Variants in LNP1 observed in about 807,000 individuals in gnomAD.
LNP1 encodes the protein leukemia NUP98 fusion partner 1.
A neutral mutation model predicts 14.5 loss-of-function variants in LNP1; 12 were observed. The ratio of observed to expected loss-of-function variants is 0.83; its 90% confidence interval spans 0.53 to 1.34. The LOEUF is 1.34. LNP1 is among the 40% of genes most tolerant of loss of function. LNP1 has a pLI of 0.00. For missense variants in LNP1, 198 were observed against 210.9 expected, an observed-to-expected ratio of 0.94 and a Z score of 0.38; for synonymous variants, 75 against 71.4, an observed-to-expected ratio of 1.05 and a Z score of -0.26.
At chr3:100,439,758 G>C (rs191992700) in intron 2 of LNP1, among the ~76,000 whole-genome samples, 109 of 152,158 alleles carry the variant, frequency 7.2e-4, no homozygotes, top group African/African-American at 2.5e-3. Context: ...ATCTCTAATA[G>C]CCTGTTTTGC....
intron 2 of LNP1, among the ~76,000 whole-genome samples, chr3:100,443,020 C>T (rs1031169010): frequency 2.0e-5 from 3 of 152,160 alleles, no homozygotes; most frequent in Non-Finnish European, 4.4e-5. Flanking sequence ...TCACATTACT[C>T]TGAAGTCCAT....
At chr3:100,427,580 T>A (rs560969626) in intron 1 of LNP1, among the ~76,000 whole-genome samples, 78 of 152,274 alleles carry the variant, frequency 5.1e-4, no homozygotes, top group African/African-American at 1.8e-3. Flanking sequence ...CATAGTTCAG[T>A]GGTTTGGGTT....
intron 1 of LNP1, among the ~76,000 whole-genome samples, chr3:100,405,410 C>G (rs563849694): frequency 2.0e-5 from 3 of 152,292 alleles, no homozygotes; most frequent in African/African-American, 7.2e-5. Context: ...TTAGTACAGG[C>G]TGCTATAACA....
At chr3:100,445,428 C>A (rs1010803956) in intron 2 of LNP1, among the ~76,000 whole-genome samples, 2 of 152,114 alleles carry the variant, frequency 1.3e-5, no homozygotes, top group African/African-American at 4.8e-5. Context: ...TTTTGATTGG[C>A]ATTTTCTACA....
At chr3:100,425,589 T>C (rs533869619) in intron 1 of LNP1, among the ~76,000 whole-genome samples, 75 of 152,320 alleles carry the variant, frequency 4.9e-4, no homozygotes, top group African/African-American at 1.7e-3. Context: ...TATTATGCAA[T>C]AGTGTGATTC....
At chr3:100,436,786 G>A (rs1294936778) in intron 2 of LNP1, among the ~76,000 whole-genome samples, 1 of 152,130 alleles carries the variant, frequency 6.6e-6, no homozygotes, top group Non-Finnish European at 1.5e-5. Flanking sequence ...GATGGTATTT[G>A]GAAATGGAGC....
intron 3 of LNP1, 88 bp from the exon 4 acceptor site, chr3:100,455,689 G>T: frequency 7.9e-7 from 1 of 1,271,094 alleles, no homozygotes; most frequent in Non-Finnish European, 1.1e-6. Context: ...AACCATCAGG[G>T]CTTTCTCCAT....
chr3:100,402,783 A>G (rs1302308459), intron 1 of LNP1, among the ~76,000 whole-genome samples: 1 of 152,082 alleles, frequency 6.6e-6, no homozygotes, highest in African/African-American at 2.4e-5. Context: ...TGGAGTAAGC[A>G]ATACACTGTT....
intron 1 of LNP1, among the ~76,000 whole-genome samples, chr3:100,405,677 C>A (rs1706958509): frequency 6.6e-6 from 1 of 152,122 alleles, no homozygotes; most frequent in Non-Finnish European, 1.5e-5. Context: ...TTCCCAAAGG[C>A]CTCAACTCCT....
rs1299537069 is a variant in LNP1 at position 100,455,931 on chromosome 3, C to T, written c.*5C>T. 1 of 1,600,090 alleles carries T rather than the reference C, an allele frequency of 6.2e-7. No homozygotes were observed. Among genetic ancestry groups the T allele is most frequent in the African/African-American group, 1.4e-5 (1 of 73,762 alleles). On this transcript the variant is annotated 3_prime_UTR_variant, in exon 4 of 4. Coordinates refer to ENST00000383693, the MANE Select transcript of LNP1 (RefSeq NM_001085451.2). ...TTTGAAAAAGGGCCTGAATAATACT[C>T]TGCTTCTGCCTCATGACATCAGATG...
In LNP1 at chr3:100,436,345, T is replaced by C. The variant is rs1239267277; in HGVS notation, c.156+6460T>C. On this transcript the variant is annotated intron_variant, in intron 2 of 3. Transcript: ENST00000383693. Reference sequence around the variant, plus strand: ...ACAACGAGGTGCATCTGACCTCCCATCCCGTCATGGCTCAGAACTAAGTTT... The same window carrying C: ...ACAACGAGGTGCATCTGACCTCCCACCCCGTCATGGCTCAGAACTAAGTTT... Among the ~76,000 whole-genome samples the C allele has an allele frequency of 2.0e-5, 3 of 152,300 alleles. No homozygotes were observed. The East Asian group carries it at 5.8e-4, about 29-fold the overall frequency.
chr3:100,417,382 T>C (rs1707095780), intron 1 of LNP1, among the ~76,000 whole-genome samples: 1 of 135,700 alleles, frequency 7.4e-6, no homozygotes, highest in African/African-American at 2.8e-5. Context: ...TTTTTTTTTT[T>C]TTTTTTTTTT....
intron 1 of LNP1, among the ~76,000 whole-genome samples, chr3:100,428,930 C>G (rs1227582623): frequency 6.6e-6 from 1 of 152,116 alleles, no homozygotes. Context: ...TGACACAGAT[C>G]ATTAATGGTA....
intron 2 of LNP1, among the ~76,000 whole-genome samples, chr3:100,438,381 A>ATATGGGGCATATTTTCCATAG (rs1559845092): frequency 6.6e-6 from 1 of 151,862 alleles, no homozygotes; most frequent in Non-Finnish European, 1.5e-5. Flanking sequence ...TAGCCCCCAT[A>ATATGGGGCATATTTTCCATAG]CTCCCAGATA....
chr3:100,416,597 TTTTGTGTGTGTGTGTGTG>T (rs1170179042), intron 1 of LNP1, among the ~76,000 whole-genome samples: 20 of 110,656 alleles, frequency 1.8e-4, no homozygotes, highest in East Asian at 1.1e-3. Flanking sequence ...AGTATATCTT[TTTTGTGTGTGTGTGTGTG>T]TGTGTGTGTG....
At chr3:100,448,349 C>A (rs1028514746) in intron 2 of LNP1, among the ~76,000 whole-genome samples, 1 of 152,118 alleles carries the variant, frequency 6.6e-6, no homozygotes, top group Non-Finnish European at 1.5e-5. Context: ...GACTAGACTG[C>A]CTAAAACCAC....
At chr3:100,428,134 T>A (rs866820310) in intron 1 of LNP1, among the ~76,000 whole-genome samples, 21 of 152,348 alleles carry the variant, frequency 1.4e-4, no homozygotes, top group African/African-American at 4.6e-4. Flanking sequence ...ATTTTGCCGC[T>A]TAGTATTAAT....
intron 1 of LNP1, among the ~76,000 whole-genome samples, chr3:100,414,778 T>G (rs1284344080): frequency 6.6e-6 from 1 of 152,192 alleles, no homozygotes; most frequent in African/African-American, 2.4e-5. Context: ...AGAAACTGAA[T>G]TCTTCCAATG....
At chr3:100,417,794 T>C (rs892626968) in intron 1 of LNP1, among the ~76,000 whole-genome samples, 7 of 152,208 alleles carry the variant, frequency 4.6e-5, no homozygotes, top group Admixed American at 4.6e-4. Context: ...GGGGAGTTCA[T>C]TATCTATAAT....
Sources: allele counts gnomAD v4.1 joint callset (sites outside exome capture counted in the v4.1 genomes callset), GRCh38; gene constraint gnomAD v4.1.1; transcripts MANE v1.5; gene names NCBI Gene and HGNC (gene_info 2026-07-23, HGNC 2026-07-21).